CDH6: variants seen among roughly 807,000 people sequenced by gnomAD.
The protein encoded by CDH6 is cadherin-6.
CDH6 carries 31 observed loss-of-function variants against 78.0 expected under a neutral mutation model. That is an observed-to-expected ratio of 0.40 (90% confidence interval 0.30 to 0.54). The LOEUF (loss-of-function observed/expected upper bound fraction) is 0.54. Among genes scored for constraint, CDH6 ranks in the 20% least tolerant of loss-of-function variants. The pLI, the probability that CDH6 is intolerant of heterozygous loss-of-function variation, is 0.56. For missense variants in CDH6, 724 were observed against 975.9 expected (o/e 0.74, Z 3.44); for synonymous variants, 376 against 368.8 (o/e 1.02, Z -0.23).
At chr5:31,307,753 C>T (rs2149955004) in intron 7 of CDH6, among the ~76,000 whole-genome samples, 1 of 152,230 alleles carries the variant, frequency 6.6e-6, no homozygotes, top group Non-Finnish European at 1.5e-5. Context: ...TGGTTATCTC[C>T]TTGATAGATC....
chr5:31,295,391 A>C (rs1006063391), intron 3 of CDH6, among the ~76,000 whole-genome samples: 1 of 152,270 alleles, frequency 6.6e-6, no homozygotes, highest in Middle Eastern at 3.4e-3. Context: ...CTTCATCAGC[A>C]CCACTCAGGG....
chr5:31,302,873 GGGAA>G (rs1200177686), intron 6 of CDH6, among the ~76,000 whole-genome samples: 2 of 106,014 alleles, frequency 1.9e-5, no homozygotes, highest in African/African-American at 3.7e-5. Context: ...GAAGAAAGGA[GGGAA>G]GGAAGGAAGG....
At chr5:31,274,247 A>G (rs542752106) in intron 2 of CDH6, among the ~76,000 whole-genome samples, 2 of 152,202 alleles carry the variant, frequency 1.3e-5, no homozygotes, top group South Asian at 2.1e-4. Flanking sequence ...CTTAATGACA[A>G]AAGTTTCAAT....
At chr5:31,302,852 G>GGA (rs1737835241) in intron 6 of CDH6, among the ~76,000 whole-genome samples, 1 of 125,130 alleles carries the variant, frequency 8.0e-6, no homozygotes, top group Admixed American at 8.2e-5. Context: ...AAGAAAGAAA[G>GGA]AGAAAGAAAG....
intron 1 of CDH6, among the ~76,000 whole-genome samples, chr5:31,242,062 T>C (rs2149919684): frequency 6.6e-6 from 1 of 152,322 alleles, no homozygotes; most frequent in East Asian, 1.9e-4. Context: ...TTTTCCCTTT[T>C]GGCCCAGTAG....
At chr5:31,304,844 C>G (rs1048672225) in intron 6 of CDH6, among the ~76,000 whole-genome samples, 1 of 152,076 alleles carries the variant, frequency 6.6e-6, no homozygotes, top group African/African-American at 2.4e-5. Flanking sequence ...TTCCAAGTGC[C>G]CTTCCTGCCT....
intron 11 of CDH6, among the ~76,000 whole-genome samples, chr5:31,319,257 C>T (rs1271794659): frequency 6.6e-6 from 1 of 152,188 alleles, no homozygotes; most frequent in East Asian, 1.9e-4. Flanking sequence ...CTACCTCCGC[C>T]TTTCATTTCC....
intron 1 of CDH6, among the ~76,000 whole-genome samples, chr5:31,215,165 C>G (rs1740829143): frequency 6.6e-6 from 1 of 152,098 alleles, no homozygotes; most frequent in South Asian, 2.1e-4. Flanking sequence ...CTTTTTAATC[C>G]TTTAAGTACA....
At chr5:31,250,767 A>G (rs570753628) in intron 1 of CDH6, 2 of 152,944 alleles carry the variant, frequency 1.3e-5, no homozygotes, top group African/African-American at 4.8e-5. Context: ...GCCTGCACAC[A>G]CCTGGACATC....
intron 2 of CDH6, among the ~76,000 whole-genome samples, chr5:31,273,367 A>G (rs1742586856): frequency 6.6e-6 from 1 of 152,224 alleles, no homozygotes; most frequent in African/African-American, 2.4e-5. Flanking sequence ...AAGCATCGTC[A>G]TAGCTGATAT....
chr5:31,223,820 A>C (rs1217858093), intron 1 of CDH6, among the ~76,000 whole-genome samples: 3 of 152,204 alleles, frequency 2.0e-5, no homozygotes, highest in African/African-American at 7.2e-5. Flanking sequence ...CTATAAAAGA[A>C]TTTAAAATGT....
At chr5:31,312,945 GCACACA>G (rs3028834) in intron 7 of CDH6, among the ~76,000 whole-genome samples, 3 of 149,202 alleles carry the variant, frequency 2.0e-5, no homozygotes, top group Non-Finnish European at 3.0e-5. Flanking sequence ...ATGCATACAA[GCACACA>G]CACACACACA....
At position 31,284,239 on chromosome 5, in the gene CDH6, A is replaced by G. The variant is rs147347416; in HGVS notation, c.229-9723A>G. ...AGCATTACTTGCAGCATGCTCTGGC[A>G]TGTAGGTCATTTTTCCACCCCAGCT... On this transcript the variant is annotated intron_variant, in intron 2 of 11. Coordinates refer to ENST00000265071, the MANE Select transcript of CDH6 (RefSeq NM_004932.4). Among the ~76,000 whole-genome samples, 59 of 152,340 alleles carry G rather than the reference A, an allele frequency of 3.9e-4. No individual in the cohort carries two copies. The East Asian group carries it at 8.1e-3, about 21-fold the overall frequency.
intron 2 of CDH6, among the ~76,000 whole-genome samples, chr5:31,292,036 A>G (rs1743180323): frequency 1.3e-5 from 2 of 152,188 alleles, no homozygotes; most frequent in South Asian, 4.1e-4. Flanking sequence ...AGGAAGTTGC[A>G]CCAAATAATC....
At chr5:31,246,775 A>G (rs75780406) in intron 1 of CDH6, among the ~76,000 whole-genome samples, 13,339 of 152,280 alleles carry the variant, frequency 0.088, 772 homozygotes, top group East Asian at 0.21. Context: ...TTTGTTTCTG[A>G]GACAGAGTCT....
chr5:31,302,596 C>T (rs1737797360), intron 6 of CDH6, among the ~76,000 whole-genome samples: 1 of 150,216 alleles, frequency 6.7e-6, no homozygotes, highest in South Asian at 2.1e-4. Context: ...GCCTGTAATC[C>T]CAGCTACTCT....
At chr5:31,275,296 G>T (rs1334058830) in intron 2 of CDH6, among the ~76,000 whole-genome samples, 3 of 152,078 alleles carry the variant, frequency 2.0e-5, no homozygotes, top group Non-Finnish European at 4.4e-5. Context: ...CCATCACCCA[G>T]GTACTGAGCA....
intron 7 of CDH6, among the ~76,000 whole-genome samples, chr5:31,309,150 A>C (rs2149955649): frequency 6.6e-6 from 1 of 152,250 alleles, no homozygotes; most frequent in South Asian, 2.1e-4. Context: ...TAAAAACATA[A>C]GTTTATGTAC....
chr5:31,303,040 T>C (rs1201404379), intron 6 of CDH6, among the ~76,000 whole-genome samples: 1 of 152,124 alleles, frequency 6.6e-6, no homozygotes, highest in African/African-American at 2.4e-5. Flanking sequence ...GAACCTAAAA[T>C]GATATGCATT....
Sources: allele counts gnomAD v4.1 joint callset (sites outside exome capture counted in the v4.1 genomes callset), GRCh38; gene constraint gnomAD v4.1.1; transcripts MANE v1.5; gene names NCBI Gene and HGNC (gene_info 2026-07-23, HGNC 2026-07-21).